The following NXPE2 variants were observed in gnomAD, a reference collection of about 807,000 sequenced individuals.
NXPE2 encodes the protein NXPE family member 2.
In NXPE2, 34 loss-of-function variants were observed where a neutral mutation model predicts 34.4. The observed-to-expected ratio is 0.99, with a 90% CI of 0.75 to 1.31. The LOEUF is 1.31. NXPE2 is among the 40% of genes most tolerant of loss of function. The pLI is 0.00. For synonymous variants in NXPE2, 235 were observed against 231.3 expected (o/e 1.02, Z -0.15); for missense variants, 649 against 672.5 (o/e 0.97, Z 0.39).
At chr11:114,682,254 T>C (rs1400897702) in intron 2 of NXPE2, among the ~76,000 whole-genome samples, 2 of 152,238 alleles carry the variant, frequency 1.3e-5, no homozygotes, top group Non-Finnish European at 2.9e-5. Context: ...ACCTTGTTAA[T>C]CTGACATAGG....
chr11:114,680,170 T>C (rs1950925137), intron 2 of NXPE2, among the ~76,000 whole-genome samples: 1 of 152,152 alleles, frequency 6.6e-6, no homozygotes. Context: ...CTTCCCTTTG[T>C]AAGTTTTTCT....
intron 3 of NXPE2, among the ~76,000 whole-genome samples, chr11:114,701,139 A>G (rs1304080821): frequency 6.6e-6 from 1 of 152,166 alleles, no homozygotes; most frequent in Non-Finnish European, 1.5e-5. Flanking sequence ...TTAAAAATAA[A>G]TTTTTATGAA....
At chr11:114,601,884 T>TATATATTATATTTATATGTATTATATAA in the NXPE2 span, among the ~76,000 whole-genome samples, 1 of 15,796 alleles carries the variant, frequency 6.3e-5, no homozygotes, top group African/African-American at 5.9e-4. Flanking sequence ...TTATATATAA[T>TATATATTATATTTATATGTATTATATAA]TATATATTAT....
the NXPE2 span, chr11:114,584,186 C>A: frequency 2.7e-5 from 9 of 338,548 alleles, no homozygotes; most frequent in Non-Finnish European, 5.3e-5. Context: ...TGCTCAGTGC[C>A]CTGGAAATAA....
chr11:114,680,328 C>G (rs559765812), intron 2 of NXPE2, among the ~76,000 whole-genome samples: 3 of 152,238 alleles, frequency 2.0e-5, no homozygotes, highest in African/African-American at 7.2e-5. Context: ...TTTAGCCATT[C>G]GAGGCCCGTT....
chr11:114,603,609 G>A, the NXPE2 span, among the ~76,000 whole-genome samples: 1 of 151,380 alleles, frequency 6.6e-6, no homozygotes, highest in African/African-American at 2.4e-5. Context: ...TGGATGATAA[G>A]TATTGCCTTG....
chr11:114,658,567 C>T, the NXPE2 span, among the ~76,000 whole-genome samples: 1 of 152,128 alleles, frequency 6.6e-6, no homozygotes, highest in Non-Finnish European at 1.5e-5. Flanking sequence ...TCTAAGAACA[C>T]TAAAGTGTTA....
chr11:114,604,640 G>A, the NXPE2 span, among the ~76,000 whole-genome samples: 3 of 142,226 alleles, frequency 2.1e-5, no homozygotes, highest in Admixed American at 7.0e-5. Context: ...GTGGGTAACC[G>A]CTGTTACCCG....
At chr11:114,581,333 C>T in the NXPE2 span, among the ~76,000 whole-genome samples, 3 of 152,028 alleles carry the variant, frequency 2.0e-5, no homozygotes, top group Admixed American at 1.3e-4. Context: ...ACTCAGATGG[C>T]AGGTTGGAAA....
chr11:114,497,634 CTA>C, the NXPE2 span, among the ~76,000 whole-genome samples: 7 of 152,160 alleles, frequency 4.6e-5, no homozygotes, highest in African/African-American at 1.4e-4. Context: ...GTGTGGTAGG[CTA>C]TGCCATCTAG....
the NXPE2 span, among the ~76,000 whole-genome samples, chr11:114,474,736 T>C: frequency 6.6e-6 from 1 of 152,164 alleles, no homozygotes; most frequent in Non-Finnish European, 1.5e-5. Flanking sequence ...TTTGAAACGA[T>C]AGGTGACATA....
chr11:114,810,545 C>T, the NXPE2 span, among the ~76,000 whole-genome samples: 2 of 152,068 alleles, frequency 1.3e-5, no homozygotes, highest in African/African-American at 4.8e-5. Flanking sequence ...ACAGACACTT[C>T]TTAAAAGAAG....
chr11:114,796,263 A>G, the NXPE2 span, among the ~76,000 whole-genome samples: 1 of 152,228 alleles, frequency 6.6e-6, no homozygotes, highest in Non-Finnish European at 1.5e-5. Context: ...CTGGGCTTGT[A>G]GTATAAATCT....
At chr11:114,601,841 TAATATAA>T in the NXPE2 span, among the ~76,000 whole-genome samples, 17 of 61,588 alleles carry the variant, frequency 2.8e-4, no homozygotes, top group South Asian at 9.4e-3. Context: ...ATTATATATA[TAATATAA>T]AATATATAAT....
At chr11:114,553,060 A>G in the NXPE2 span, among the ~76,000 whole-genome samples, 2 of 152,158 alleles carry the variant, frequency 1.3e-5, no homozygotes, top group Non-Finnish European at 2.9e-5. Context: ...CACTGCACCA[A>G]CACTGCTCAA....
the NXPE2 span, among the ~76,000 whole-genome samples, chr11:114,574,924 A>G: frequency 6.6e-6 from 1 of 152,150 alleles, no homozygotes; most frequent in African/African-American, 2.4e-5. Flanking sequence ...CCTTATGAAC[A>G]TAGATGCTAA....
In NXPE2 at chr11:114,702,616, T is replaced by C. The variant is rs7113928; in HGVS notation, c.867-1375T>C. Among the ~76,000 whole-genome samples the C allele has an allele frequency of 2.0e-3, 301 of 152,360 alleles. 2 individuals are homozygous for C. Among genetic ancestry groups the C allele is most frequent in the African/African-American group, 5.9e-3 (247 of 41,582 alleles). On this transcript the variant is annotated intron_variant, in intron 3 of 5. Transcript: ENST00000389586. The stretch of plus-strand genomic sequence containing the variant: ...CAGTAAAATACTCTGGAGTGACTAT[T>C]ATTATGCTCATTTTGAAGATGAGAA...
chr11:114,615,658 G>A, the NXPE2 span, among the ~76,000 whole-genome samples: 12 of 151,638 alleles, frequency 7.9e-5, no homozygotes, highest in Admixed American at 7.2e-4. Context: ...GGTAACCACT[G>A]TTACCCGATG....
the NXPE2 span, among the ~76,000 whole-genome samples, chr11:114,603,593 A>T: frequency 6.6e-6 from 1 of 150,506 alleles, no homozygotes. Context: ...AACTCCTATT[A>T]CCTGGTGGAT....
Sources: gnomAD v4.1 joint callset for allele counts (sites outside exome capture counted in the v4.1 genomes callset) on GRCh38, gnomAD v4.1.1 for gene constraint, MANE v1.5 for transcripts, NCBI Gene and HGNC (gene_info 2026-07-23, HGNC 2026-07-21) for gene names.